Variants in ATCAY observed in about 807,000 individuals in gnomAD.
ATCAY encodes caytaxin.
ATCAY carries 22 observed loss-of-function variants against 47.7 expected under a neutral mutation model. That is an observed-to-expected ratio of 0.46 (90% confidence interval 0.33 to 0.66). ATCAY has a LOEUF of 0.66. ATCAY is among the 30% of genes least tolerant of loss of function. ATCAY has a pLI of 0.02. For missense variants in ATCAY, 452 were observed against 515.0 expected, an observed-to-expected ratio of 0.88 and a Z score of 1.18; for synonymous variants, 216 against 207.6, an observed-to-expected ratio of 1.04 and a Z score of -0.35.
At chr19:3,884,378 G>C (rs1275037591) in intron 1 of ATCAY, among the ~76,000 whole-genome samples, 1 of 152,138 alleles carries the variant, frequency 6.6e-6, no homozygotes, top group Non-Finnish European at 1.5e-5. Flanking sequence ...CACTGCCTTA[G>C]TGAGCCCTGG....
chr19:3,910,120 C>T (rs1438656705), intron 7 of ATCAY, among the ~76,000 whole-genome samples: 2 of 152,072 alleles, frequency 1.3e-5, no homozygotes, highest in East Asian at 1.9e-4. Context: ...TCCTTCTCCC[C>T]AGGCTCCGGC....
At chr19:3,917,828 G>A (rs989818780) in intron 10 of ATCAY, 51 bp downstream of exon 10, 2 of 1,592,346 alleles carry the variant, frequency 1.3e-6, no homozygotes, top group South Asian at 1.1e-5. Context: ...GCGGGGGGCT[G>A]AGCTGAACTC....
At chr19:3,900,549 T>C (rs1252975929) in intron 2 of ATCAY, among the ~76,000 whole-genome samples, 1 of 152,006 alleles carries the variant, frequency 6.6e-6, no homozygotes, top group Non-Finnish European at 1.5e-5. Flanking sequence ...TTTGTTTGTT[T>C]GTTTTGAGAT....
chr19:3,919,361 A>C (rs542515566), intron 11 of ATCAY, among the ~76,000 whole-genome samples: 1 of 151,670 alleles, frequency 6.6e-6, no homozygotes, highest in South Asian at 2.1e-4. Flanking sequence ...TGGGAGGCTG[A>C]GGTGGGCCGA....
At chr19:3,909,681 G>T in intron 7 of ATCAY, 64 bp downstream of exon 7, 1 of 1,539,928 alleles carries the variant, frequency 6.5e-7, no homozygotes, top group South Asian at 1.2e-5. Context: ...GGCTGGACAT[G>T]GTGGCTCACA....
intron 2 of ATCAY, among the ~76,000 whole-genome samples, chr19:3,891,692 G>C (rs1278209506): frequency 6.6e-6 from 1 of 151,634 alleles, no homozygotes; most frequent in Non-Finnish European, 1.5e-5. Flanking sequence ...CAGGTTGAGG[G>C]ACTGGGGAAG....
chr19:3,898,931 C>T (rs548676318), intron 2 of ATCAY, among the ~76,000 whole-genome samples: 33 of 152,328 alleles, frequency 2.2e-4, no homozygotes, highest in Admixed American at 5.9e-4. Flanking sequence ...GTGCCCTCCT[C>T]GGCCTCCCAA....
intron 3 of ATCAY, among the ~76,000 whole-genome samples, chr19:3,904,198 C>G (rs1038459471): frequency 6.6e-6 from 1 of 152,066 alleles, no homozygotes; most frequent in Non-Finnish European, 1.5e-5. Flanking sequence ...GTGGCGCATG[C>G]CTGTAATCCC....
chr19:3,889,058 C>T (rs1026566049), intron 2 of ATCAY, among the ~76,000 whole-genome samples: 1 of 152,036 alleles, frequency 6.6e-6, no homozygotes, highest in Non-Finnish European at 1.5e-5. Flanking sequence ...TCGCTTGAGC[C>T]CAGGAGTTTG....
chr19:3,912,546 G>A (rs749757940), intron 8 of ATCAY, among the ~76,000 whole-genome samples: 10 of 151,840 alleles, frequency 6.6e-5, no homozygotes, highest in African/African-American at 2.2e-4. Flanking sequence ...TCCTGACTTC[G>A]TGATCCGCCT....
At chr19:3,898,540 T>C (rs1267526084) in intron 2 of ATCAY, among the ~76,000 whole-genome samples, 1 of 152,230 alleles carries the variant, frequency 6.6e-6, no homozygotes, top group African/African-American at 2.4e-5. Flanking sequence ...CTGGCATCTC[T>C]CACTGAGCAT....
In ATCAY at chr19:3,907,441, C is replaced by T. The variant is rs2038871266; in HGVS notation, c.359-293C>T. On this transcript the variant is annotated intron_variant, in intron 4 of 12. Transcript: ENST00000450849. The surrounding 1 kb of genome is among the most constrained non-coding windows in gnomAD (Gnocchi z 5.1). ...TCCTCGTGGTTTGATGAAGCAGATG[C>T]ATTCACCAGCTCTGAGAAGCTCCAG... Among the ~76,000 whole-genome samples, 1 of 152,276 alleles carries T rather than the reference C, an allele frequency of 6.6e-6. No homozygotes were observed. The highest frequency in any genetic ancestry group is 2.1e-4 in the South Asian group (1 of 4,826).
chr19:3,924,569 C>T lies in ATCAY; in HGVS notation c.1107-14C>T. On this transcript the variant is annotated splice_polypyrimidine_tract_variant and intron_variant, in intron 12 of 12. Transcript: ENST00000450849. ...TTAACAGCAATAACTTGGCCTGTGT[C>T]TTTCCCTCCCTAGCATGTCCTGAGG... is the stretch of plus-strand genomic sequence containing the variant. 2 of 1,613,812 alleles carry T rather than the reference C, an allele frequency of 1.2e-6. No homozygotes were observed. The highest frequency in any genetic ancestry group is 1.7e-6 in the Non-Finnish European group (2 of 1,179,808).
Position 3,926,958 on chromosome 19 carries a change from CGCCTAT to C in ATCAY, c.*2367_*2372del, listed in dbSNP as rs2039072362. On this transcript the variant is annotated 3_prime_UTR_variant, in exon 13 of 13. Transcript: ENST00000450849. ...AAAAGTGGCTGGGTACGGTGGCTCACGCCTATAATCCCAGCACTTTGGGAGACCGAG... is the reference window on the plus strand; with the variant it reads ...AAAAGTGGCTGGGTACGGTGGCTCACAATCCCAGCACTTTGGGAGACCGAG... The C allele has an allele frequency of 2.0e-5, 3 of 152,322 alleles. No homozygotes were observed. Among genetic ancestry groups the C allele is most frequent in the Admixed American group, 2.0e-4 (3 of 15,284 alleles). The allele number at this position is 152,322 out of a possible 1,614,324, so 9.4% of individuals were successfully genotyped here. A position where few individuals can be genotyped will look rare whatever the true frequency, so the allele number is the denominator to read the frequency against.
At chr19:3,914,159 C>T (rs987028354) in intron 9 of ATCAY, among the ~76,000 whole-genome samples, 2 of 144,336 alleles carry the variant, frequency 1.4e-5, no homozygotes, top group Non-Finnish European at 3.0e-5. Context: ...TGGCGTGAAC[C>T]CCGGAGGCGG....
At chr19:3,920,343 CTTT>C (rs772143778) in intron 11 of ATCAY, 37 of 143,332 alleles carry the variant, frequency 2.6e-4, no homozygotes, top group African/African-American at 8.9e-4. Context: ...GACCCTGTAT[CTTT>C]TTTTTTTTTT....
intron 1 of ATCAY, among the ~76,000 whole-genome samples, chr19:3,884,170 C>A (rs2038626870): frequency 6.6e-6 from 1 of 152,020 alleles, no homozygotes; most frequent in Admixed American, 6.6e-5. Context: ...ACTCGTGGTC[C>A]CAGATACTTG....
At chr19:3,910,126 C>G (rs2145252103) in intron 7 of ATCAY, among the ~76,000 whole-genome samples, 1 of 152,106 alleles carries the variant, frequency 6.6e-6, no homozygotes, top group South Asian at 2.1e-4. Flanking sequence ...TCCCCAGGCT[C>G]CGGCACCCCC....
At chr19:3,905,686 G>A in intron 4 of ATCAY, 31 bp downstream of exon 4, 1 of 1,576,898 alleles carries the variant, frequency 6.3e-7, no homozygotes, top group Non-Finnish European at 8.7e-7. Flanking sequence ...GGGGCCTGCT[G>A]GAGCCCACCC....
Sources: gnomAD v4.1 joint callset for allele counts (sites outside exome capture counted in the v4.1 genomes callset) on GRCh38, gnomAD v4.1.1 for gene constraint, Gnocchi (gnomAD v3.1) non-coding constraint, MANE v1.5 for transcripts, NCBI Gene and HGNC (gene_info 2026-07-23, HGNC 2026-07-21) for gene names.